The following FRMD4B variants were observed in gnomAD, a reference collection of about 807,000 sequenced individuals.
The protein encoded by FRMD4B is FERM domain containing 4B, also known as FERM domain-containing protein 4B.
Under a neutral mutation model 141.5 loss-of-function variants are expected in FRMD4B, and 74 were observed. The observed-to-expected ratio is 0.52, with a 90% CI of 0.43 to 0.63. The LOEUF (loss-of-function observed/expected upper bound fraction) is 0.63, where lower values mean the gene tolerates loss of function less well. Among genes scored for constraint, FRMD4B ranks in the 30% least tolerant of loss-of-function variants. The pLI is 0.00. For missense variants in FRMD4B, 1,366 were observed against 1,253.4 expected (o/e 1.09, Z -1.36); for synonymous variants, 506 against 467.9 (o/e 1.08, Z -1.05).
chr3:69,415,653 T>G (rs1346255282), intron 2 of FRMD4B, among the ~76,000 whole-genome samples: 3 of 152,272 alleles, frequency 2.0e-5, no homozygotes, highest in Non-Finnish European at 4.4e-5. Context: ...GGCCAGGTTC[T>G]TCTGATAAGT....
intron 1 of FRMD4B, among the ~76,000 whole-genome samples, chr3:69,503,192 C>A (rs912352628): frequency 2.5e-4 from 38 of 152,186 alleles, no homozygotes; most frequent in South Asian, 2.1e-4. Context: ...TGGGTATATA[C>A]CCAAAGGATT....
intron 1 of FRMD4B, among the ~76,000 whole-genome samples, chr3:69,440,289 A>G (rs1212319039): frequency 1.3e-5 from 2 of 152,234 alleles, no homozygotes; most frequent in African/African-American, 4.8e-5. Flanking sequence ...AGTTGTAACA[A>G]TACCATTTAC....
chr3:69,280,767 A>G (rs974618667), intron 5 of FRMD4B, among the ~76,000 whole-genome samples: 2 of 150,020 alleles, frequency 1.3e-5, no homozygotes, highest in Non-Finnish European at 3.0e-5. Flanking sequence ...CCATAGGTAC[A>G]TGTCACCAAG....
At chr3:69,471,396 C>A in intron 1 of FRMD4B, 1 of 229,416 alleles carries the variant, frequency 4.4e-6, no homozygotes, top group South Asian at 8.4e-5. Flanking sequence ...TGGCAACGGT[C>A]ACTGCTCAGC....
Position 69,270,619 on chromosome 3 carries a change from G to A in FRMD4B, c.501+17133C>T, listed in dbSNP as rs2093590175. ...TCTCGCTCTCTCTCCAGGCTATAGTGCAGTGGCAGAATCTCGGCTCACTGC... is the reference window on the plus strand; with the variant it reads ...TCTCGCTCTCTCTCCAGGCTATAGTACAGTGGCAGAATCTCGGCTCACTGC... On this transcript the variant is annotated intron_variant, in intron 5 of 22. Coordinates refer to ENST00000398540, the MANE Select transcript of FRMD4B (RefSeq NM_015123.3). Among the ~76,000 whole-genome samples, 3 of 145,558 alleles carry A rather than the reference G, an allele frequency of 2.1e-5. No individual in the cohort carries two copies. The South Asian group carries it at 6.5e-4, about 32-fold the overall frequency.
chr3:69,439,491 C>T (rs1280051966), intron 1 of FRMD4B, among the ~76,000 whole-genome samples: 1 of 152,074 alleles, frequency 6.6e-6, no homozygotes, highest in African/African-American at 2.4e-5. Context: ...GAGAATCTTT[C>T]GTGAGATGGG....
At chr3:69,300,347 G>T (rs1404340868) in intron 4 of FRMD4B, among the ~76,000 whole-genome samples, 1 of 152,164 alleles carries the variant, frequency 6.6e-6, no homozygotes, top group Non-Finnish European at 1.5e-5. Context: ...ACTTGATAAG[G>T]GTTTAAACAT....
intron 2 of FRMD4B, among the ~76,000 whole-genome samples, chr3:69,393,680 T>G (rs72937849): frequency 6.6e-6 from 1 of 152,230 alleles, no homozygotes; most frequent in African/African-American, 2.4e-5. Flanking sequence ...TCTATACTTA[T>G]TAAGTCTACT....
intron 4 of FRMD4B, among the ~76,000 whole-genome samples, chr3:69,296,363 G>A (rs1227593145): frequency 4.6e-5 from 7 of 152,098 alleles, no homozygotes; most frequent in Admixed American, 4.6e-4. Flanking sequence ...ATAGAATCCT[G>A]TAAGAAACTA....
intron 4 of FRMD4B, among the ~76,000 whole-genome samples, chr3:69,300,796 T>C (rs1191375342): frequency 6.6e-6 from 1 of 152,216 alleles, no homozygotes; most frequent in African/African-American, 2.4e-5. Flanking sequence ...TGGAGTGCAA[T>C]AGTGTGATCT....
intron 1 of FRMD4B, among the ~76,000 whole-genome samples, chr3:69,443,734 G>A (rs1705372156): frequency 6.6e-6 from 1 of 152,156 alleles, no homozygotes; most frequent in Non-Finnish European, 1.5e-5. Flanking sequence ...ACTTTCAAAG[G>A]AATTTGGTTT....
intron 1 of FRMD4B, among the ~76,000 whole-genome samples, chr3:69,494,451 C>G (rs917656071): frequency 6.6e-6 from 1 of 152,160 alleles, no homozygotes; most frequent in Non-Finnish European, 1.5e-5. Flanking sequence ...ATAGAGAATC[C>G]AGAAAGGGTC....
At chr3:69,474,689 T>C (rs1034795534) in intron 1 of FRMD4B, among the ~76,000 whole-genome samples, 1 of 146,138 alleles carries the variant, frequency 6.8e-6, no homozygotes, top group Non-Finnish European at 1.5e-5. Flanking sequence ...CACTGGAGCA[T>C]TGCTGCCGAT....
intron 12 of FRMD4B, among the ~76,000 whole-genome samples, chr3:69,197,404 T>C (rs2092919110): frequency 6.6e-6 from 1 of 152,140 alleles, no homozygotes; most frequent in African/African-American, 2.4e-5. Context: ...AGCAACCAAG[T>C]GTGGGGTGAG....
At chr3:69,437,176 G>C (rs113358354) in intron 1 of FRMD4B, among the ~76,000 whole-genome samples, 1 of 151,894 alleles carries the variant, frequency 6.6e-6, no homozygotes, top group Admixed American at 6.6e-5. Flanking sequence ...AGGCTCAAGC[G>C]ACCCACCCAC....
chr3:69,178,264 A>G (rs148544594), intron 21 of FRMD4B, among the ~76,000 whole-genome samples: 10 of 152,324 alleles, frequency 6.6e-5, no homozygotes, highest in African/African-American at 2.4e-4. Flanking sequence ...ACGCATTTCA[A>G]AACTCATCTG....
chr3:69,472,729 C>T lies in FRMD4B; in HGVS notation c.-128-39968G>A, dbSNP rs373010790. 1.1e-4 allele frequency among the ~76,000 whole-genome samples: 16 copies of T among 152,058 alleles called. No homozygotes were observed. In the East Asian group the frequency reaches 1.4e-3, roughly 13 times the overall value. On this transcript the variant is annotated intron_variant, in intron 1 of 5. Transcript: ENST00000459638. The stretch of plus-strand genomic sequence containing the variant: ...TAATAAGCAAAAGAAGAAAGCTCTC[C>T]GCTGCAGAGAGGGGACCCGGAAGAG...
At position 69,346,375 on chromosome 3, in the gene FRMD4B, G is replaced by A. The variant is rs551882379; in HGVS notation, c.163-32858C>T. Reference sequence around the variant, plus strand: ...TCTGATTGGTATACCTGAAAGTGACGGGGAGAATGGAACCAAGTTGGAAAA... The same window carrying A: ...TCTGATTGGTATACCTGAAAGTGACAGGGAGAATGGAACCAAGTTGGAAAA... On this transcript the variant is annotated intron_variant, in intron 1 of 22. Transcript: ENST00000398540. Among the ~76,000 whole-genome samples, 143 of 152,238 alleles carry A rather than the reference G, an allele frequency of 9.4e-4. 3 individuals are homozygous for A. The South Asian group carries it at 0.018, about 20-fold the overall frequency.
chr3:69,525,294 G>A (rs1345316243), intron 1 of FRMD4B, among the ~76,000 whole-genome samples: 1 of 152,166 alleles, frequency 6.6e-6, no homozygotes, highest in Admixed American at 6.5e-5. Context: ...ATGGGTAGAT[G>A]TTGGGTTTTT....
Sources: gnomAD v4.1 joint callset for allele counts (sites outside exome capture counted in the v4.1 genomes callset) on GRCh38, gnomAD v4.1.1 for gene constraint, MANE v1.5 for transcripts, NCBI Gene and HGNC (gene_info 2026-07-23, HGNC 2026-07-21) for gene names.